SOX5: variants seen among roughly 807,000 people sequenced by gnomAD.
SOX5 encodes the protein transcription factor SOX-5.
SOX5 carries 9 observed loss-of-function variants against 92.0 expected under a neutral mutation model. The ratio of observed to expected loss-of-function variants is 0.10; its 90% CI spans 0.06 to 0.17. SOX5 has a LOEUF of 0.17. Among genes scored for constraint, SOX5 ranks in the 10% least tolerant of loss-of-function variants. The pLI, the probability that SOX5 is intolerant of heterozygous loss-of-function variation, is 1.00. For synonymous variants in SOX5, 344 were observed against 336.3 expected, an observed-to-expected ratio of 1.02 and a Z score of -0.25; for missense variants, 642 against 944.5, an observed-to-expected ratio of 0.68 and a Z score of 4.20.
At position 24,300,736 on chromosome 12, in the gene SOX5, A is replaced by G. The variant is rs145687409; in HGVS notation, c.-173-23424T>C. On this transcript the variant is annotated intron_variant, in intron 2 of 4. Coordinates refer to the SOX5 transcript ENST00000446891. ...ATATTGCCTATTCACAGAGGCCCCAATCCCAGAGGTAGCTGATAGTCTACA... is the reference window on the plus strand; with the variant it reads ...ATATTGCCTATTCACAGAGGCCCCAGTCCCAGAGGTAGCTGATAGTCTACA... 2.5e-3 allele frequency among the ~76,000 whole-genome samples: 387 copies of G among 152,282 alleles called. 3 individuals carry two copies. The highest frequency in any genetic ancestry group is 9.0e-3 in the African/African-American group (376 of 41,566).
intron 3 of SOX5, among the ~76,000 whole-genome samples, chr12:24,233,116 T>A (rs1397596131): frequency 6.6e-6 from 1 of 152,156 alleles, no homozygotes; most frequent in Non-Finnish European, 1.5e-5. Flanking sequence ...TTCCCTCTTA[T>A]GCCTAACTTC....
At chr12:24,491,598 T>C (rs1947083990) in intron 1 of SOX5, among the ~76,000 whole-genome samples, 1 of 151,978 alleles carries the variant, frequency 6.6e-6, no homozygotes, top group South Asian at 2.1e-4. Flanking sequence ...AACTAAAGCA[T>C]ATTAAATGGA....
At chr12:24,446,932 G>T (rs2137266326) in intron 1 of SOX5, among the ~76,000 whole-genome samples, 2 of 152,214 alleles carry the variant, frequency 1.3e-5, no homozygotes, top group Non-Finnish European at 2.9e-5. Flanking sequence ...AATGGCCAAA[G>T]CTGAAACAAT....
intron 6 of SOX5, among the ~76,000 whole-genome samples, chr12:23,710,740 G>C (rs939079547): frequency 1.3e-5 from 2 of 152,050 alleles, no homozygotes; most frequent in African/African-American, 2.4e-5. Flanking sequence ...ATTTATAATC[G>C]TTTGGGTATA....
chr12:24,409,500 G>T (rs920118162), intron 1 of SOX5, among the ~76,000 whole-genome samples: 1 of 151,956 alleles, frequency 6.6e-6, no homozygotes, highest in Non-Finnish European at 1.5e-5. Flanking sequence ...TATGAATAAA[G>T]TCATAAACAT....
intron 2 of SOX5, among the ~76,000 whole-genome samples, chr12:24,363,709 A>C (rs1955848547): frequency 7.9e-6 from 1 of 126,818 alleles, no homozygotes; most frequent in Admixed American, 8.4e-5. Context: ...TTTTAAAGGA[A>C]GCACATGAAA....
At chr12:23,923,436 A>G (rs893643144) in intron 1 of SOX5, among the ~76,000 whole-genome samples, 4 of 152,210 alleles carry the variant, frequency 2.6e-5, no homozygotes, top group Admixed American at 6.5e-5. Context: ...AAACAGCTAG[A>G]TAAATAGATA....
At chr12:23,952,156 A>G (rs1351508559), upstream of SOX5, among the ~76,000 whole-genome samples, 2 of 152,124 alleles carry the variant, frequency 1.3e-5, no homozygotes, top group Non-Finnish European at 2.9e-5. Flanking sequence ...AAAAGTGAAG[A>G]AGGAGGATGG....
Position 23,533,305 on chromosome 12 carries a change from C to CTCG in SOX5, c.*913_*914insCGA. 5.2e-6 allele frequency: 1 copy of CTCG among 192,970 alleles called. No individual in the cohort carries two copies. Among genetic ancestry groups the CTCG allele is most frequent in the Non-Finnish European group, 1.1e-5 (1 of 87,488 alleles). The allele number at this position is 192,970 out of a possible 1,614,324, so 12.0% of individuals were successfully genotyped here. ...ATATTTTTCTCTAAATTTCTTATGT[C>CTCG]TCTCTCTCTCTCTCTCTTTTCACCT... On this transcript the variant is annotated 3_prime_UTR_variant, in exon 15 of 15. Transcript: ENST00000451604.
intron 1 of SOX5, among the ~76,000 whole-genome samples, chr12:24,397,447 G>A (rs1270937173): frequency 6.6e-6 from 1 of 151,956 alleles, no homozygotes; most frequent in African/African-American, 2.4e-5. Flanking sequence ...GTCATCACTG[G>A]ACAATAATAA....
chr12:23,964,015 G>T (rs1947267064), intron 4 of SOX5, among the ~76,000 whole-genome samples: 1 of 151,462 alleles, frequency 6.6e-6, no homozygotes, highest in African/African-American at 2.4e-5. Context: ...AACTTAGGAA[G>T]AATACAAATA....
At chr12:24,053,180 C>A (rs11047236) in intron 4 of SOX5, among the ~76,000 whole-genome samples, 16 of 108,842 alleles carry the variant, frequency 1.5e-4, no homozygotes, top group African/African-American at 3.3e-4. Flanking sequence ...TACTGCACGC[C>A]CCCCCCCTTT....
intron 3 of SOX5, among the ~76,000 whole-genome samples, chr12:23,805,321 A>ATG (rs1466440812): frequency 2.0e-5 from 3 of 151,938 alleles, no homozygotes; most frequent in African/African-American, 4.8e-5. Context: ...GTTGATGCAT[A>ATG]TGTGTGTGTG....
intron 4 of SOX5, among the ~76,000 whole-genome samples, chr12:24,207,359 G>A (rs775534787): frequency 3.6e-4 from 54 of 152,002 alleles, no homozygotes; most frequent in Admixed American, 6.6e-4. Context: ...ATATCGCCAC[G>A]TTCAACCAAT....
At chr12:24,026,151 T>A (rs1954842697) in intron 4 of SOX5, among the ~76,000 whole-genome samples, 1 of 151,964 alleles carries the variant, frequency 6.6e-6, no homozygotes, top group Non-Finnish European at 1.5e-5. Flanking sequence ...AAAACTAAAT[T>A]TGGCAGTTTG....
At chr12:23,552,912 T>C (rs1322202958) in intron 11 of SOX5, among the ~76,000 whole-genome samples, 1 of 151,998 alleles carries the variant, frequency 6.6e-6, no homozygotes, top group Non-Finnish European at 1.5e-5. Context: ...GAACTCAATA[T>C]AACAAAACTA....
chr12:24,513,256 T>C (rs1280435518), intron 1 of SOX5, among the ~76,000 whole-genome samples: 1 of 152,258 alleles, frequency 6.6e-6, no homozygotes, highest in Non-Finnish European at 1.5e-5. Context: ...TTAAATGTGT[T>C]TTCAACTTAC....
intron 4 of SOX5, among the ~76,000 whole-genome samples, chr12:24,055,940 T>A (rs1309833251): frequency 1.3e-5 from 2 of 152,184 alleles, no homozygotes; most frequent in East Asian, 3.9e-4. Context: ...CAGCTCAGAC[T>A]GGCCTCTGGG....
intron 3 of SOX5, among the ~76,000 whole-genome samples, chr12:24,255,640 A>T (rs2140199699): frequency 6.6e-6 from 1 of 152,292 alleles, no homozygotes; most frequent in East Asian, 1.9e-4. Context: ...AATTATCTAC[A>T]TTGGAGTTTG....
Sources: gnomAD v4.1 joint callset for allele counts (sites outside exome capture counted in the v4.1 genomes callset) on GRCh38, gnomAD v4.1.1 for gene constraint, MANE v1.5 for transcripts, NCBI Gene and HGNC (gene_info 2026-07-23, HGNC 2026-07-21) for gene names.